IL31RA: variants seen among roughly 807,000 people sequenced by gnomAD.
The protein encoded by IL31RA is interleukin-31 receptor subunit alpha.
A neutral mutation model predicts 83.7 loss-of-function variants in IL31RA; 66 were observed. The ratio of observed to expected loss-of-function variants is 0.79; its 90% CI spans 0.65 to 0.97. The LOEUF (loss-of-function observed/expected upper bound fraction) is 0.97, where lower values mean the gene tolerates loss of function less well. IL31RA is among the 50% of genes least tolerant of loss of function. IL31RA has a pLI of 0.00. For synonymous variants in IL31RA, 325 were observed against 329.0 expected, an observed-to-expected ratio of 0.99 and a Z score of 0.13; for missense variants, 798 against 919.4, an observed-to-expected ratio of 0.87 and a Z score of 1.71.
At chr5:55,842,324 A>T in the IL31RA span, among the ~76,000 whole-genome samples, 2 of 152,190 alleles carry the variant, frequency 1.3e-5, no homozygotes, top group Non-Finnish European at 1.5e-5. Context: ...ATTCCAAGTA[A>T]GGTCATATTA....
intron 8 of IL31RA, among the ~76,000 whole-genome samples, chr5:55,900,628 A>C (rs1347251458): frequency 1.3e-5 from 2 of 152,164 alleles, no homozygotes; most frequent in Non-Finnish European, 2.9e-5. Context: ...CTTGCCAATA[A>C]ATTGTTCATT....
At chr5:55,839,997 C>T in the IL31RA span, 3 of 546,398 alleles carry the variant, frequency 5.5e-6, no homozygotes, top group Admixed American at 2.7e-5. Flanking sequence ...CAACATAAAC[C>T]CCTCGCCACC....
rs1235223891 is a variant in IL31RA, at chr5:55,867,119, GTGTT to G, written c.155-1668_155-1665del. On this transcript the variant is annotated intron_variant, in intron 2 of 14. Coordinates refer to ENST00000652347, the MANE Select transcript of IL31RA (RefSeq NM_139017.7). ...TGTGTTTGTGTGTGTGTGCATGTGT[GTGTT>G]TGTGTGTGTGTGCATGTGTGTGTGC... Among the ~76,000 whole-genome samples the G allele has an allele frequency of 5.4e-4, 71 of 132,148 alleles. 1 individual carries two copies. Among genetic ancestry groups the G allele is most frequent in the Non-Finnish European group, 9.8e-4 (59 of 60,334 alleles). 86.7% of individuals were successfully genotyped at this position (132,148 alleles called of 152,430 possible).
chr5:55,908,752 C>T, intron 11 of IL31RA: 1 of 1,434,542 alleles, frequency 7.0e-7, no homozygotes, highest in Non-Finnish European at 9.1e-7. Context: ...TGAGGAGGAA[C>T]AGACCCTGTC....
intron 8 of IL31RA, 150 bp from the exon 9 acceptor site, chr5:55,905,956 G>A (rs934913890): frequency 1.3e-6 from 1 of 770,036 alleles, no homozygotes; most frequent in Admixed American, 1.9e-5. Context: ...GCAATAAGGG[G>A]AGTGAAAAGA....
chr5:55,870,878 T>C (rs1561546073), intron 3 of IL31RA, among the ~76,000 whole-genome samples: 1 of 152,190 alleles, frequency 6.6e-6, no homozygotes, highest in African/African-American at 2.4e-5. Context: ...TTCATGGAGA[T>C]AATGATTTTT....
chr5:55,847,226 G>GAAAA (rs57491641), upstream of IL31RA, among the ~76,000 whole-genome samples: 1 of 118,822 alleles, frequency 8.4e-6, no homozygotes, highest in African/African-American at 3.4e-5. Flanking sequence ...CTGGGCAACA[G>GAAAA]AAAAAAAAAA....
intron 7 of IL31RA, among the ~76,000 whole-genome samples, chr5:55,897,610 C>T (rs1288487016): frequency 2.0e-5 from 3 of 152,070 alleles, no homozygotes; most frequent in African/African-American, 7.2e-5. Flanking sequence ...ACCACATGGT[C>T]CTTCCTAGGG....
In IL31RA at chr5:55,922,193, C is replaced by T. The variant is rs941359201; in HGVS notation, c.*5073C>T. 1.3e-5 allele frequency among the ~76,000 whole-genome samples: 2 copies of T among 151,958 alleles called. No individual in the cohort carries two copies. Among genetic ancestry groups the T allele is most frequent in the African/African-American group, 4.8e-5 (2 of 41,348 alleles). On this transcript the variant is annotated 3_prime_UTR_variant, in exon 15 of 15. Coordinates refer to ENST00000652347, the MANE Select transcript of IL31RA (RefSeq NM_139017.7). ...CTCCAATCCATGCTGGAAGAGACCC[C>T]AGGCCACAATAGCCCTTGACACAGA...
intron 3 of IL31RA, among the ~76,000 whole-genome samples, chr5:55,870,150 A>G (rs958687255): frequency 1.3e-5 from 2 of 152,258 alleles, no homozygotes; most frequent in African/African-American, 4.8e-5. Context: ...TATAGCACTC[A>G]TACAGCTATA....
the IL31RA span, among the ~76,000 whole-genome samples, chr5:55,844,060 T>C: frequency 1.3e-5 from 2 of 152,146 alleles, no homozygotes; most frequent in Admixed American, 1.3e-4. Context: ...GCCAGTTTGT[T>C]ACATGGTATA....
At chr5:55,861,068 C>A (rs1237267958) in intron 2 of IL31RA, among the ~76,000 whole-genome samples, 1 of 152,292 alleles carries the variant, frequency 6.6e-6, no homozygotes, top group East Asian at 1.9e-4. Flanking sequence ...TTCAAGTGCT[C>A]TATCTCCAAA....
At chr5:55,899,624 C>T (rs909854747) in intron 7 of IL31RA, among the ~76,000 whole-genome samples, 2 of 152,138 alleles carry the variant, frequency 1.3e-5, no homozygotes. Context: ...TGGGATGGAG[C>T]GAAAGATACA....
At chr5:55,911,346 G>T (rs1171227038) in intron 12 of IL31RA, among the ~76,000 whole-genome samples, 2 of 152,104 alleles carry the variant, frequency 1.3e-5, no homozygotes, top group Non-Finnish European at 2.9e-5. Flanking sequence ...CAACATGTAG[G>T]AATTATGGGA....
chr5:55,922,557 G>A lies in IL31RA; in HGVS notation c.*5437G>A. On this transcript the variant is annotated 3_prime_UTR_variant, in exon 15 of 15. Transcript: ENST00000652347. ...AGAACCATCTCTGAAGACTGGGTAT[G>A]TGGTCTTTTCCACACATGGACCACC... 1 of 794,010 alleles carries A rather than the reference G, an allele frequency of 1.3e-6. No homozygotes were observed. Among genetic ancestry groups the A allele is most frequent in the Non-Finnish European group, 2.0e-6 (1 of 488,978 alleles). 49.2% of individuals were successfully genotyped at this position (794,010 alleles called of 1,614,324 possible).
the IL31RA span, among the ~76,000 whole-genome samples, chr5:55,844,652 T>C: frequency 6.6e-6 from 1 of 152,194 alleles, no homozygotes. Context: ...TGGTTTGTTT[T>C]CTGATGTTAA....
At chr5:55,901,671 A>G (rs1465526353) in intron 8 of IL31RA, among the ~76,000 whole-genome samples, 1 of 151,514 alleles carries the variant, frequency 6.6e-6, no homozygotes, top group Admixed American at 6.6e-5. Flanking sequence ...GCTGGAGTGC[A>G]ATGGTGTGAT....
At chr5:55,875,245 A>G (rs549903213) in intron 4 of IL31RA, among the ~76,000 whole-genome samples, 1 of 152,160 alleles carries the variant, frequency 6.6e-6, no homozygotes, top group South Asian at 2.1e-4. Context: ...AATTCTTTTT[A>G]TATGTCGCTG....
chr5:55,906,224 C>T lies in IL31RA; in HGVS notation c.1188C>T (p.Asp396=), dbSNP rs1749146138. 1 of 1,614,216 alleles carries T rather than the reference C, an allele frequency of 6.2e-7. No individual in the cohort carries two copies. The highest frequency in any genetic ancestry group is 8.5e-7 in the Non-Finnish European group (1 of 1,180,046). The part of the protein sequence containing the change: ...TWMIEWFPDV[D]SEPTTLSWES... ...TGATTGAATGGTTTCCGGATGTGGA[C>T]TCAGAGCCCACCACCCTTTCCTGGG... Residue 396 remains aspartate, a synonymous_variant, in exon 9 of 15, where the codon GAC becomes GAT. Coordinates refer to ENST00000652347, the MANE Select transcript of IL31RA (RefSeq NM_139017.7).
Sources: allele counts gnomAD v4.1 joint callset (sites outside exome capture counted in the v4.1 genomes callset), GRCh38; gene constraint gnomAD v4.1.1; transcripts MANE v1.5; gene names NCBI Gene and HGNC (gene_info 2026-07-23, HGNC 2026-07-21).